SAPCD2: variants seen among roughly 807,000 people sequenced by gnomAD.
SAPCD2 encodes the protein suppressor APC domain containing 2, also known as suppressor APC domain-containing protein 2.
In SAPCD2, 34 loss-of-function variants were observed where a neutral mutation model predicts 37.8. The ratio of observed to expected loss-of-function variants is 0.90; its 90% CI spans 0.68 to 1.20. The LOEUF is 1.20. SAPCD2 is among the 50% of genes most tolerant of loss of function. SAPCD2 has a pLI of 0.00. For missense variants in SAPCD2, 572 were observed against 584.7 expected, an observed-to-expected ratio of 0.98 and a Z score of 0.22; for synonymous variants, 275 against 270.3, an observed-to-expected ratio of 1.02 and a Z score of -0.17.
In SAPCD2 at chr9:137,065,637, T is replaced by C. The variant is rs1832534652; in HGVS notation, c.716A>G (p.Lys239Arg). The C allele has an allele frequency of 6.2e-7, 1 of 1,608,506 alleles. No individual in the cohort carries two copies. The highest frequency in any genetic ancestry group is 8.5e-7 in the Non-Finnish European group (1 of 1,176,338). ...LKQMKELEQE[K>R]EVLLQGLEMM... is the part of the protein sequence containing the mutation. ...CTCCAAACCCTGCAGCAGCACCTCC[T>C]TCTCCTGCTCCAGCTCCTTCATCTG... Residue 239 changes from lysine to arginine, a missense_variant, in exon 3 of 6, where the codon AAG becomes AGG. Coordinates refer to ENST00000409687, the MANE Select transcript of SAPCD2 (RefSeq NM_178448.4).
rs142078791 is a variant in SAPCD2, at chr9:137,066,324, C to G, written c.622G>C (p.Ala208Pro). The G allele has an allele frequency of 8.7e-6, 14 of 1,609,984 alleles. No homozygotes were observed. The highest frequency in any genetic ancestry group is 1.0e-5 in the Non-Finnish European group (12 of 1,179,038). ...LEADSGDARRAPRARGERRRH... is the reference protein window; with the variant it reads ...LEADSGDARRPPRARGERRRH... ...CGACGTTCCCCTCGGGCACGGGGAGCCCGCCGGGCATCCCCTGAGTCCGCC... is the reference window on the plus strand; with the variant it reads ...CGACGTTCCCCTCGGGCACGGGGAGGCCGCCGGGCATCCCCTGAGTCCGCC... The change falls in exon 2 of 6, where the codon GCT becomes CCT. Residue 208 changes from alanine (A) to proline (P), a missense_variant. Physicochemically the swap from Ala to Pro is conservative, Grantham distance 27. Coordinates refer to ENST00000409687, the MANE Select transcript of SAPCD2 (RefSeq NM_178448.4).
chr9:137,064,586 G>T lies in SAPCD2; in HGVS notation c.*73C>A. On this transcript the variant is annotated 3_prime_UTR_variant, in exon 6 of 6. Coordinates refer to ENST00000409687, the MANE Select transcript of SAPCD2 (RefSeq NM_178448.4). ...CGGGGGTCTCCAGCCAGAGAGGGTGGGTGCGATGGGGCGCCCACCCTCGAA... is the reference window on the plus strand; with the variant it reads ...CGGGGGTCTCCAGCCAGAGAGGGTGTGTGCGATGGGGCGCCCACCCTCGAA... 6.6e-7 allele frequency: 1 copy of T among 1,519,234 alleles called. No individual in the cohort carries two copies. Among genetic ancestry groups the T allele is most frequent in the Admixed American group, 2.0e-5 (1 of 50,776 alleles). The allele number at this position is 1,519,234 out of a possible 1,614,324, so 94.1% of individuals were successfully genotyped here. A position where few individuals can be genotyped will look rare whatever the true frequency, so the allele number is the denominator to read the frequency against.
rs1588562454 is a variant in SAPCD2 at position 137,063,827 on chromosome 9, G to A, written c.*832C>T. ...GCTGGGCGTGAGAGCAAAGGGGGGTGAGCAGGACCCCAGGCCTTGGAAATC... is the reference window on the plus strand; with the variant it reads ...GCTGGGCGTGAGAGCAAAGGGGGGTAAGCAGGACCCCAGGCCTTGGAAATC... On this transcript the variant is annotated 3_prime_UTR_variant, in exon 6 of 6. Transcript: ENST00000409687. The A allele has an allele frequency of 6.6e-6, 1 of 152,314 alleles. No homozygotes were observed. The highest frequency in any genetic ancestry group is 2.4e-5 in the African/African-American group (1 of 41,428). The allele number at this position is 152,314 out of a possible 1,614,324, so 9.4% of individuals were successfully genotyped here.
rs996077262 is a variant in SAPCD2, at chr9:137,069,906, G to A, written c.555C>T (p.Ser185=). 3.9e-6 allele frequency: 5 copies of A among 1,278,272 alleles called. No homozygotes were observed. The East Asian group carries it at 1.6e-4, about 40-fold the overall frequency. 79.2% of individuals were successfully genotyped at this position (1,278,272 alleles called of 1,614,324 possible). Residue 185 remains serine, a synonymous_variant, in exon 1 of 6, where the codon AGC becomes AGT. Transcript: ENST00000409687. The part of the protein sequence containing the change: ...ERSQSAALEP[S]SSADAGAVAC... ...GGAACTCACCTGCGTCCGCGCTGGA[G>A]CTCGGTTCCAGCGCCGCGCTCTGGG...
chr9:137,066,177 C>T, intron 2 of SAPCD2, 85 bp downstream of exon 2: 2 of 1,072,948 alleles, frequency 1.9e-6, no homozygotes, highest in Non-Finnish European at 2.8e-6. Flanking sequence ...TGGACTCCCC[C>T]AGGCTCAAGG....
rs746890089 is a variant in SAPCD2, at chr9:137,065,548, G to A, written c.805C>T (p.Arg269Cys). Residue 269 changes from arginine (R) to cysteine (C), a missense_variant, in exon 3 of 6, where the codon CGC becomes TGC. By Grantham distance (180) the Arg-to-Cys change is radical. Coordinates refer to ENST00000409687, the MANE Select transcript of SAPCD2 (RefSeq NM_178448.4). ...QLQRVQERQR[R>C]LGQSRASADF... Reference sequence around the variant, plus strand: ...GCGCTGGCTCTGCTCTGGCCCAGGCGGCGCTGGCGCTCCTGCACTCGTTGC... The same window carrying A: ...GCGCTGGCTCTGCTCTGGCCCAGGCAGCGCTGGCGCTCCTGCACTCGTTGC... 2.8e-5 allele frequency: 45 copies of A among 1,606,230 alleles called. No individual in the cohort carries two copies. Among genetic ancestry groups the A allele is most frequent in the Middle Eastern group, 1.9e-4 (1 of 5,270 alleles).
In SAPCD2 at chr9:137,069,915, C is replaced by T. The variant is rs1321369939; in HGVS notation, c.546G>A (p.Leu182=). 25 of 1,282,530 alleles carry T rather than the reference C, an allele frequency of 1.9e-5. No homozygotes were observed. The highest frequency in any genetic ancestry group is 2.4e-5 in the Non-Finnish European group (24 of 1,013,178). The allele number at this position is 1,282,530 out of a possible 1,614,324, so 79.4% of individuals were successfully genotyped here. The change falls in exon 1 of 6, where the codon CTG becomes CTA. Residue 182 remains leucine (L), a synonymous_variant. Transcript: ENST00000409687. ...CTGCGTCCGCGCTGGAGCTCGGTTC[C>T]AGCGCCGCGCTCTGGGACCGCTCGG... The part of the protein sequence containing the change: ...AEPERSQSAA[L]EPSSSADAGA...
rs1832508748 is a variant in SAPCD2, at chr9:137,064,319, C to G, written c.*340G>C. 5.3e-6 allele frequency: 2 copies of G among 374,604 alleles called. No homozygotes were observed. Among genetic ancestry groups the G allele is most frequent in the East Asian group, 1.3e-4 (2 of 15,266 alleles). The allele number at this position is 374,604 out of a possible 1,614,324, so 23.2% of individuals were successfully genotyped here. A position where few individuals can be genotyped will look rare whatever the true frequency, so the allele number is the denominator to read the frequency against. On this transcript the variant is annotated 3_prime_UTR_variant, in exon 6 of 6. Coordinates refer to ENST00000409687, the MANE Select transcript of SAPCD2 (RefSeq NM_178448.4). ...CAGTGCCTTTCCCTGAAGATGGGACCCAGGGCGGCACCGCTGGAAACGGGG... is the reference window on the plus strand; with the variant it reads ...CAGTGCCTTTCCCTGAAGATGGGACGCAGGGCGGCACCGCTGGAAACGGGG...
In SAPCD2 at chr9:137,066,368, A is replaced by T; in HGVS notation, c.578T>A (p.Val193Glu). The T allele has an allele frequency of 6.2e-7, 1 of 1,600,754 alleles. No homozygotes were observed. The highest frequency in any genetic ancestry group is 8.5e-7 in the Non-Finnish European group (1 of 1,173,904). ...EPSSSADAGA[V>E]ACRALEADSG... ...GTCCGCCTCCAGGGCCCTGCACGCC[A>T]CTGCACCTGTTATGGAGAGGCATGG... is the stretch of plus-strand genomic sequence containing the variant. The change falls in exon 2 of 6, where the codon GTG becomes GAG. Residue 193 changes from valine to glutamate, a missense_variant. By Grantham distance (121) the Val-to-Glu change is moderately radical (BLOSUM62 -2). Transcript: ENST00000409687.
In SAPCD2 at chr9:137,066,351, C is replaced by T. The variant is rs749761966; in HGVS notation, c.595G>A (p.Glu199Lys). The T allele has an allele frequency of 1.2e-6, 2 of 1,608,070 alleles. No homozygotes were observed. The highest frequency in any genetic ancestry group is 2.2e-5 in the South Asian group (2 of 90,100). The change falls in exon 2 of 6, where the codon GAG (glutamate) becomes AAG (lysine). Residue 199 changes from glutamate to lysine, a missense_variant. By Grantham distance (56) the Glu-to-Lys change is moderately conservative. Coordinates refer to ENST00000409687, the MANE Select transcript of SAPCD2 (RefSeq NM_178448.4). Reference sequence around the variant, plus strand: ...CGCCGGGCATCCCCTGAGTCCGCCTCCAGGGCCCTGCACGCCACTGCACCT... The same window carrying T: ...CGCCGGGCATCCCCTGAGTCCGCCTTCAGGGCCCTGCACGCCACTGCACCT... The part of the protein sequence containing the change: ...DAGAVACRAL[E>K]ADSGDARRAP...
At position 137,064,174 on chromosome 9, in the gene SAPCD2, G is replaced by A. The variant is rs111743281; in HGVS notation, c.*485C>T. The A allele has an allele frequency of 4.1e-5, 8 of 193,842 alleles. No homozygotes were observed. Among genetic ancestry groups the A allele is most frequent in the Non-Finnish European group, 7.6e-5 (7 of 92,234 alleles). The allele number at this position is 193,842 out of a possible 1,614,324, so 12.0% of individuals were successfully genotyped here. A position where few individuals can be genotyped will look rare whatever the true frequency, so the allele number is the denominator to read the frequency against. ...CCACCCCCTCCATCTACTTCCGTCC[G>A]TCCGAGCTACAGCCACCTCGTCCTG... On this transcript the variant is annotated 3_prime_UTR_variant, in exon 6 of 6. Transcript: ENST00000409687.
chr9:137,065,079 C>A lies in SAPCD2; in HGVS notation c.938G>T (p.Arg313Leu). The part of the protein sequence containing the change: ...GELLAAACAS[R>L]ALPPSSSGPP... ...TGTGGGGGTTTGGGGTACACTCACC[C>A]GGCTGGCACAGGCTGCAGCCAGCAG... Residue 313 changes from arginine (R) to leucine (L), a missense_variant and splice_region_variant, in exon 4 of 6, where the codon CGG becomes CTG. Coordinates refer to ENST00000409687, the MANE Select transcript of SAPCD2 (RefSeq NM_178448.4). 2 of 1,524,490 alleles carry A rather than the reference C, an allele frequency of 1.3e-6. No individual in the cohort carries two copies. The highest frequency in any genetic ancestry group is 2.5e-5 in the South Asian group (2 of 79,502). 94.4% of individuals were successfully genotyped at this position (1,524,490 alleles called of 1,614,324 possible).
Position 137,064,487 on chromosome 9 carries a change from G to A in SAPCD2, c.*172C>T, listed in dbSNP as rs1056270096. On this transcript the variant is annotated 3_prime_UTR_variant, in exon 6 of 6. Transcript: ENST00000409687. ...CAAGCGCTCGGTGCGGGGACCAGCCGGGGGCAGGCCTGGGGAGCCCATCTG... is the reference window on the plus strand; with the variant it reads ...CAAGCGCTCGGTGCGGGGACCAGCCAGGGGCAGGCCTGGGGAGCCCATCTG... 194 of 721,472 alleles carry A rather than the reference G, an allele frequency of 2.7e-4. No homozygotes were observed. Among genetic ancestry groups the A allele is most frequent in the Middle Eastern group, 1.2e-3 (3 of 2,516 alleles). 44.7% of individuals were successfully genotyped at this position (721,472 alleles called of 1,614,324 possible). A position where few individuals can be genotyped will look rare whatever the true frequency, so the allele number is the denominator to read the frequency against.
Position 137,067,326 on chromosome 9 carries a change from C to T in SAPCD2, c.572-952G>A, listed in dbSNP as rs1832560023. Among the ~76,000 whole-genome samples, 3 of 151,790 alleles carry T rather than the reference C, an allele frequency of 2.0e-5. 1 individual carries two copies. The highest frequency in any genetic ancestry group is 2.0e-4 in the Admixed American group (3 of 15,250). ...TTTCTATTAGAAACACAAAAATTAGCCTGGTGCAGTGGCATGCACCTGTGG... is the reference window on the plus strand; with the variant it reads ...TTTCTATTAGAAACACAAAAATTAGTCTGGTGCAGTGGCATGCACCTGTGG... On this transcript the variant is annotated intron_variant, in intron 1 of 5. Coordinates refer to ENST00000409687, the MANE Select transcript of SAPCD2 (RefSeq NM_178448.4).
intron 2 of SAPCD2, among the ~76,000 whole-genome samples, chr9:137,065,869 G>C (rs955533904): frequency 6.6e-6 from 1 of 152,198 alleles, no homozygotes; most frequent in Non-Finnish European, 1.5e-5. Flanking sequence ...TGGAGCAGGA[G>C]CCCCGTTCCT....
rs557538433 is a variant in SAPCD2 at position 137,067,974 on chromosome 9, T to TC, written c.572-1601dup. ...TTCCTGGTGAGGGAGTAGGTGCACC[T>TC]CCCCAGGCTACAGAAGTGGGTACAG... On this transcript the variant is annotated intron_variant, in intron 1 of 5. Transcript: ENST00000409687. Among the ~76,000 whole-genome samples, 542 of 152,024 alleles carry TC rather than the reference T, an allele frequency of 3.6e-3. 2 individuals are homozygous for TC. Among genetic ancestry groups the TC allele is most frequent in the African/African-American group, 0.012 (497 of 41,456 alleles).
chr9:137,065,757 A>G, intron 2 of SAPCD2, 89 bp from the exon 3 acceptor site: 1 of 1,456,750 alleles, frequency 6.9e-7, no homozygotes, highest in Non-Finnish European at 9.3e-7. Flanking sequence ...GGTGGGCACC[A>G]GAGCCACAGA....
At chr9:137,067,864 C>T (rs1014281815) in intron 1 of SAPCD2, among the ~76,000 whole-genome samples, 1 of 150,546 alleles carries the variant, frequency 6.6e-6, no homozygotes, top group Non-Finnish European at 1.5e-5. Flanking sequence ...CGTCCTGGTG[C>T]TCACAGACCC....
rs1390755118 is a variant in SAPCD2, at chr9:137,070,312, C to T, written c.149G>A (p.Arg50His). 2.7e-6 allele frequency: 4 copies of T among 1,477,198 alleles called. No individual in the cohort carries two copies. Among genetic ancestry groups the T allele is most frequent in the Non-Finnish European group, 3.6e-6 (4 of 1,117,100 alleles). The allele number at this position is 1,477,198 out of a possible 1,614,324, so 91.5% of individuals were successfully genotyped here. The change falls in exon 1 of 6, where the codon CGC becomes CAC. Residue 50 changes from arginine to histidine, a missense_variant. Transcript: ENST00000409687. Reference sequence around the variant, plus strand: ...GCCCTGCCAGCGGGACTCGATCTCGCGCAGGTGCACGCAGCCGCGCCGCCG... The same window carrying T: ...GCCCTGCCAGCGGGACTCGATCTCGTGCAGGTGCACGCAGCCGCGCCGCCG... ...DDRRRGCVHL[R>H]EIESRWQGTD... is the part of the protein sequence containing the mutation.
Sources: allele counts gnomAD v4.1 joint callset (sites outside exome capture counted in the v4.1 genomes callset), GRCh38; gene constraint gnomAD v4.1.1; transcripts MANE v1.5; gene names NCBI Gene and HGNC (gene_info 2026-07-23, HGNC 2026-07-21).